GRM8: variants seen among roughly 807,000 people sequenced by gnomAD.
The protein encoded by GRM8 is glutamate metabotropic receptor 8, also known as metabotropic glutamate receptor 8.
Under a neutral mutation model 87.2 loss-of-function variants are expected in GRM8, and 47 were observed. The observed-to-expected ratio is 0.54, with a 90% CI of 0.43 to 0.69. GRM8 has a LOEUF of 0.69. GRM8 is among the 30% of genes least tolerant of loss of function. The probability of loss-of-function intolerance (pLI) is 0.00; values close to 1 mark genes in which losing one functional copy is unlikely to be tolerated. For synonymous variants in GRM8, 396 were observed against 404.5 expected, an observed-to-expected ratio of 0.98 and a Z score of 0.25; for missense variants, 1,019 against 1,139.2, an observed-to-expected ratio of 0.89 and a Z score of 1.52.
intron 9 of GRM8, among the ~76,000 whole-genome samples, chr7:126,449,006 A>C (rs1584641102): frequency 6.6e-6 from 1 of 151,962 alleles, no homozygotes; most frequent in East Asian, 2.0e-4. Flanking sequence ...TACCTATATA[A>C]CAAACCTGCA....
At chr7:127,069,492 A>G (rs915696211) in intron 3 of GRM8, among the ~76,000 whole-genome samples, 1 of 152,164 alleles carries the variant, frequency 6.6e-6, no homozygotes, top group African/African-American at 2.4e-5. Context: ...TTAAAAAAAA[A>G]AGAAATCACC....
intron 3 of GRM8, among the ~76,000 whole-genome samples, chr7:126,980,253 T>TA (rs1811387561): frequency 6.6e-6 from 1 of 151,380 alleles, no homozygotes; most frequent in South Asian, 2.1e-4. Flanking sequence ...ACATGGCACC[T>TA]ACTCTCATGG....
At chr7:126,703,138 A>T (rs1810122115) in intron 7 of GRM8, among the ~76,000 whole-genome samples, 1 of 152,184 alleles carries the variant, frequency 6.6e-6, no homozygotes, top group Non-Finnish European at 1.5e-5. Flanking sequence ...GGCATGATCT[A>T]GTTTTAAGAA....
In GRM8 at chr7:127,051,738, G is replaced by GAAAAAAAAAAAAAAAAAAAA. The variant is rs1563454593; in HGVS notation, c.727+54757_727+54758insTTTTTTTTTTTTTTTTTTTT. Among the ~76,000 whole-genome samples the GAAAAAAAAAAAAAAAAAAAA allele has an allele frequency of 2.3e-4, 3 of 13,050 alleles. 1 individual carries two copies. The highest frequency in any genetic ancestry group is 5.8e-4 in the Non-Finnish European group (3 of 5,190). The allele number at this position is 13,050 out of a possible 152,430, so 8.6% of individuals were successfully genotyped here. A position where few individuals can be genotyped will look rare whatever the true frequency, so the allele number is the denominator to read the frequency against. ...AGAAATCTCAAAAACATAATGTTGA[G>GAAAAAAAAAAAAAAAAAAAA]CAAAAAAAAAAAAAAAAAAAAAAAA... On this transcript the variant is annotated intron_variant, in intron 3 of 10. Transcript: ENST00000339582.
intron 7 of GRM8, among the ~76,000 whole-genome samples, chr7:126,650,713 G>T (rs1275590732): frequency 2.0e-5 from 3 of 151,510 alleles, no homozygotes; most frequent in African/African-American, 7.3e-5. Flanking sequence ...TATCCCAAGT[G>T]AGCGCTCACC....
intron 7 of GRM8, among the ~76,000 whole-genome samples, chr7:126,722,019 T>C (rs908629227): frequency 6.6e-6 from 1 of 152,176 alleles, no homozygotes; most frequent in Non-Finnish European, 1.5e-5. Flanking sequence ...CTAATTTATA[T>C]GCATGTTTCT....
chr7:126,774,227 C>T (rs1017656827), intron 6 of GRM8, among the ~76,000 whole-genome samples: 2 of 152,144 alleles, frequency 1.3e-5, no homozygotes, highest in Admixed American at 1.3e-4. Flanking sequence ...ACACTTCAAC[C>T]TCATGATGAC....
chr7:126,723,860 G>C (rs1283225218), intron 7 of GRM8, among the ~76,000 whole-genome samples: 2 of 151,952 alleles, frequency 1.3e-5, no homozygotes, highest in Non-Finnish European at 2.9e-5. Flanking sequence ...TTTAGGTCAA[G>C]GTAAAAAACA....
intron 3 of GRM8, among the ~76,000 whole-genome samples, chr7:127,074,672 A>G (rs1480512368): frequency 6.6e-6 from 1 of 152,142 alleles, no homozygotes; most frequent in African/African-American, 2.4e-5. Context: ...AGACCAAAAT[A>G]TTTCATCCAG....
At chr7:126,981,438 A>C (rs1444800109) in intron 3 of GRM8, 1 of 152,178 alleles carries the variant, frequency 6.6e-6, no homozygotes, top group Non-Finnish European at 1.5e-5. Flanking sequence ...AAGTTAAGAG[A>C]CCATATCTGG....
chr7:126,948,777 G>A (rs1167304318), intron 3 of GRM8, among the ~76,000 whole-genome samples: 7 of 152,192 alleles, frequency 4.6e-5, no homozygotes, highest in Admixed American at 1.3e-4. Flanking sequence ...GGGATTCTCA[G>A]ATGGGCCAGC....
At chr7:126,514,976 T>C (rs971633881) in intron 9 of GRM8, among the ~76,000 whole-genome samples, 1 of 152,060 alleles carries the variant, frequency 6.6e-6, no homozygotes, top group South Asian at 2.1e-4. Context: ...TAATTACATA[T>C]TGCAATCCTT....
intron 9 of GRM8, among the ~76,000 whole-genome samples, chr7:126,492,242 G>A (rs1012996422): frequency 6.6e-6 from 1 of 151,816 alleles, no homozygotes; most frequent in Non-Finnish European, 1.5e-5. Flanking sequence ...TTAGAGACGG[G>A]GTTTCGCCAC....
intron 8 of GRM8, among the ~76,000 whole-genome samples, chr7:126,540,911 C>T (rs541106891): frequency 2.0e-5 from 3 of 152,054 alleles, no homozygotes; most frequent in Non-Finnish European, 2.9e-5. Flanking sequence ...TCATTTTTGG[C>T]GTGTAAGTTA....
chr7:127,247,613 A>C (rs1399607923), intron 1 of GRM8, among the ~76,000 whole-genome samples: 1 of 152,092 alleles, frequency 6.6e-6, no homozygotes, highest in Non-Finnish European at 1.5e-5. Flanking sequence ...GATGGGGCAG[A>C]CAGAGCTCTC....
intron 9 of GRM8, among the ~76,000 whole-genome samples, chr7:126,469,335 T>C (rs1397287091): frequency 1.3e-5 from 2 of 152,204 alleles, no homozygotes; most frequent in Non-Finnish European, 2.9e-5. Flanking sequence ...TTTCTGAACC[T>C]ACTCCAATTA....
chr7:127,040,674 G>C (rs1334568199), intron 3 of GRM8, among the ~76,000 whole-genome samples: 1 of 151,872 alleles, frequency 6.6e-6, no homozygotes, highest in Non-Finnish European at 1.5e-5. Flanking sequence ...CCCCACTGAG[G>C]CTTGTCCAAA....
intron 7 of GRM8, among the ~76,000 whole-genome samples, chr7:126,694,538 A>AT (rs990089511): frequency 6.6e-6 from 1 of 152,052 alleles, no homozygotes; most frequent in African/African-American, 2.4e-5. Flanking sequence ...TACTTACTCA[A>AT]TTTTTTTCTT....
chr7:127,197,956 CTA>C (rs1272589934), intron 2 of GRM8, among the ~76,000 whole-genome samples: 1 of 151,854 alleles, frequency 6.6e-6, no homozygotes, highest in Non-Finnish European at 1.5e-5. Context: ...TGTTCATACT[CTA>C]TGTCTTTTGC....
Sources: allele counts gnomAD v4.1 joint callset (sites outside exome capture counted in the v4.1 genomes callset), GRCh38; gene constraint gnomAD v4.1.1; transcripts MANE v1.5; gene names NCBI Gene and HGNC (gene_info 2026-07-23, HGNC 2026-07-21).